Variants in CAGE1 observed in about 807,000 individuals in gnomAD.
The protein encoded by CAGE1 is cancer antigen 1.
CAGE1 carries 66 observed loss-of-function variants against 94.9 expected under a neutral mutation model. The ratio of observed to expected loss-of-function variants is 0.70; its 90% CI spans 0.57 to 0.85. The LOEUF (loss-of-function observed/expected upper bound fraction) is 0.85. Ranked by LOEUF, CAGE1 falls within the 40% of genes least tolerant of loss-of-function variation. The pLI is 0.00. For synonymous variants in CAGE1, 319 were observed against 321.0 expected, an observed-to-expected ratio of 0.99 and a Z score of 0.07; for missense variants, 865 against 950.4, an observed-to-expected ratio of 0.91 and a Z score of 1.18.
In CAGE1 at chr6:7,373,750, G is replaced by A. The variant is rs1021834673; in HGVS notation, c.1069C>T (p.Leu357=). 2.5e-6 allele frequency: 4 copies of A among 1,613,174 alleles called. No homozygotes were observed. Among genetic ancestry groups the A allele is most frequent in the Admixed American group, 1.7e-5 (1 of 59,934 alleles). ...ATTAATTCTTCAACATTCTCCTTTA[G>A]CTTATTGATGACATCAATGAACACT... ...QQVFIDVINK[L]KENVEELIED... is the part of the protein sequence containing the mutation. The change falls in exon 5 of 14, where the codon CTA becomes TTA. Residue 357 remains leucine (L), a synonymous_variant. Coordinates refer to ENST00000502583, the MANE Select transcript of CAGE1 (RefSeq NM_001170692.2).
chr6:7,369,826 C>G (rs1760479992), intron 6 of CAGE1, 93 bp downstream of exon 6: 2 of 1,252,512 alleles, frequency 1.6e-6, no homozygotes, highest in African/African-American at 1.5e-5. Context: ...TTTTCTTCTT[C>G]CACAACTTAA....
In CAGE1 at chr6:7,389,338, T is replaced by G. The variant is rs1474070134; in HGVS notation, c.-160A>C. ...CTACGGACCTGGCTCTCCCTCCCTC[T>G]GCACCGGGTTTTGTGGGAGGGAGAA... On this transcript the variant is annotated 5_prime_UTR_variant, in exon 1 of 14. Coordinates refer to ENST00000502583, the MANE Select transcript of CAGE1 (RefSeq NM_001170692.2). The G allele has an allele frequency of 1.3e-5, 6 of 456,136 alleles. No homozygotes were observed. The highest frequency in any genetic ancestry group is 3.1e-5 in the South Asian group (2 of 64,578). The allele number at this position is 456,136 out of a possible 1,614,324, so 28.3% of individuals were successfully genotyped here.
At chr6:7,336,872 A>G (rs1228952729) in intron 11 of CAGE1, among the ~76,000 whole-genome samples, 4 of 152,210 alleles carry the variant, frequency 2.6e-5, no homozygotes, top group African/African-American at 9.7e-5. Context: ...AATCTCTACT[A>G]AAATCTTCGC....
intron 11 of CAGE1, 121 bp downstream of exon 11, chr6:7,354,920 C>A: frequency 1.5e-6 from 1 of 663,182 alleles, no homozygotes; most frequent in Non-Finnish European, 2.5e-6. Flanking sequence ...AAAGAATGAA[C>A]TTAATTAATA....
intron 11 of CAGE1, among the ~76,000 whole-genome samples, chr6:7,345,692 C>A (rs758269336): frequency 5.3e-5 from 8 of 152,102 alleles, no homozygotes; most frequent in Non-Finnish European, 1.2e-4. Flanking sequence ...CTTTGGGAGG[C>A]TGAGGCGGGC....
At chr6:7,386,275 T>C (rs558051725) in intron 2 of CAGE1, among the ~76,000 whole-genome samples, 2 of 152,342 alleles carry the variant, frequency 1.3e-5, no homozygotes, top group South Asian at 4.1e-4. Context: ...CTTTGATGTA[T>C]TTTTATAAAT....
intron 5 of CAGE1, 70 bp downstream of exon 5, chr6:7,373,002 TA>T: frequency 9.2e-7 from 1 of 1,087,474 alleles, no homozygotes; most frequent in Non-Finnish European, 1.3e-6. Flanking sequence ...GTGCCACGTC[TA>T]AATACGCATC....
intron 11 of CAGE1, among the ~76,000 whole-genome samples, chr6:7,350,362 A>C (rs1001024511): frequency 2.0e-4 from 31 of 152,220 alleles, no homozygotes; most frequent in African/African-American, 7.0e-4. Flanking sequence ...CAGGACAGAA[A>C]GTCAACAAAG....
chr6:7,339,614 A>G lies in CAGE1; in HGVS notation c.2370-5524T>C, dbSNP rs1666767322. 2.9e-6 allele frequency: 2 copies of G among 683,990 alleles called. No individual in the cohort carries two copies. The highest frequency in any genetic ancestry group is 5.3e-6 in the Non-Finnish European group (2 of 375,040). The allele number at this position is 683,990 out of a possible 1,614,324, so 42.4% of individuals were successfully genotyped here. On this transcript the variant is annotated intron_variant, in intron 11 of 13. Transcript: ENST00000502583. The surrounding 1 kb of genome is among the most constrained non-coding windows in gnomAD (Gnocchi z 4.7). Reference sequence around the variant, plus strand: ...AAAGGAAAGGCACTGTATCATTCTTATGCCTTTGTGTCCTCATAGCTTAGC... The same window carrying G: ...AAAGGAAAGGCACTGTATCATTCTTGTGCCTTTGTGTCCTCATAGCTTAGC...
At chr6:7,350,019 TA>T (rs1412869508) in intron 11 of CAGE1, among the ~76,000 whole-genome samples, 2 of 151,110 alleles carry the variant, frequency 1.3e-5, no homozygotes. Flanking sequence ...GAGACTTACC[TA>T]ACACATAAGG....
chr6:7,345,066 A>C (rs546403323), intron 11 of CAGE1, among the ~76,000 whole-genome samples: 1 of 152,166 alleles, frequency 6.6e-6, no homozygotes, highest in African/African-American at 2.4e-5. Context: ...GCTGGTGTTG[A>C]AAGCTTTGTT....
At chr6:7,363,138 T>A (rs984041386) in intron 9 of CAGE1, among the ~76,000 whole-genome samples, 1 of 151,978 alleles carries the variant, frequency 6.6e-6, no homozygotes, top group African/African-American at 2.4e-5. Flanking sequence ...GGTGTGGTGG[T>A]GGGTGCTTGT....
rs889913303 is a variant in CAGE1, at chr6:7,343,479, A to G, written c.2370-9389T>C. ...AAGAAAGGTTGTGGATTTACACTGA[A>G]ATTTTCTGTTATTTTTGATATGGTT... On this transcript the variant is annotated intron_variant, in intron 11 of 13. Transcript: ENST00000502583. 3.3e-5 allele frequency among the ~76,000 whole-genome samples: 5 copies of G among 152,282 alleles called. No homozygotes were observed. In the East Asian group the frequency reaches 9.6e-4, roughly 29 times the overall value.
chr6:7,368,768 T>C lies in CAGE1; in HGVS notation c.1924A>G (p.Lys642Glu). 2 of 1,556,686 alleles carry C rather than the reference T, an allele frequency of 1.3e-6. No individual in the cohort carries two copies. The highest frequency in any genetic ancestry group is 1.7e-6 in the Non-Finnish European group (2 of 1,150,112). ...ATATCACTAACCTTCTCACTCTCTT[T>C]GAAATGTTCAGCATCAGAATTGATG... The part of the protein sequence containing the change: ...DIINSDAEHF[K>E]ESEKVSDIML... The change falls in exon 7 of 14, where the codon AAA (lysine) becomes GAA (glutamate). Residue 642 changes from lysine (K) to glutamate (E), a missense_variant. Physicochemically the swap from Lys to Glu is moderately conservative, Grantham distance 56. Coordinates refer to ENST00000502583, the MANE Select transcript of CAGE1 (RefSeq NM_001170692.2).
chr6:7,359,283 G>A (rs564616501), intron 9 of CAGE1, among the ~76,000 whole-genome samples: 19 of 152,298 alleles, frequency 1.2e-4, no homozygotes, highest in African/African-American at 4.3e-4. Context: ...CTGACCTGAG[G>A]TGATCCACCC....
chr6:7,334,944 A>G (rs1052770793), intron 11 of CAGE1, among the ~76,000 whole-genome samples: 1 of 152,150 alleles, frequency 6.6e-6, no homozygotes, highest in Non-Finnish European at 1.5e-5. Flanking sequence ...TCTGGAGGTC[A>G]GAAGTCCAAA....
At position 7,370,060 on chromosome 6, in the gene CAGE1, T is replaced by G; in HGVS notation, c.1752A>C (p.Thr584=). 1 of 1,602,870 alleles carries G rather than the reference T, an allele frequency of 6.2e-7. No homozygotes were observed. Among genetic ancestry groups the G allele is most frequent in the Non-Finnish European group, 8.5e-7 (1 of 1,176,150 alleles). ...EVLKSDITKD[T]KTTHSNLLPD... ...GGAGCAGATTAGAATGTGTCGTTTT[T>G]GTATCCTACATGCACGTAATTCAGA... The change falls in exon 6 of 14, where the codon ACA becomes ACC. Residue 584 remains threonine (T), a synonymous_variant. Transcript: ENST00000502583.
intron 6 of CAGE1, among the ~76,000 whole-genome samples, chr6:7,369,599 G>GGTGC (rs1185091526): frequency 6.6e-6 from 1 of 152,188 alleles, no homozygotes; most frequent in South Asian, 2.1e-4. Flanking sequence ...TTAATCACTA[G>GGTGC]GCGCAGACTG....
At chr6:7,345,216 T>C (rs1009508094) in intron 11 of CAGE1, among the ~76,000 whole-genome samples, 1 of 147,166 alleles carries the variant, frequency 6.8e-6, no homozygotes, top group Non-Finnish European at 1.5e-5. Context: ...TTGAAGTTAG[T>C]ATAAGCTACC....
Sources: allele counts gnomAD v4.1 joint callset (sites outside exome capture counted in the v4.1 genomes callset), GRCh38; gene constraint gnomAD v4.1.1; non-coding constraint Gnocchi (gnomAD v3.1); transcripts MANE v1.5; gene names NCBI Gene and HGNC (gene_info 2026-07-23, HGNC 2026-07-21).